The following TRMT9B variants were observed in gnomAD, a reference collection of about 807,000 sequenced individuals.
The protein encoded by TRMT9B is probable tRNA methyltransferase 9B.
TRMT9B carries 16 observed loss-of-function variants against 11.5 expected under a neutral mutation model. The ratio of observed to expected loss-of-function variants is 1.39; its 90% CI spans 0.94 to 2.11. TRMT9B has a LOEUF of 2.11. Among genes scored for constraint, TRMT9B ranks in the 30% most tolerant of loss-of-function variants. The pLI is 0.00. For missense variants in TRMT9B, 941 were observed against 553.8 expected (o/e 1.70, Z -7.02); for synonymous variants, 274 against 192.4 (o/e 1.42, Z -3.51).
At chr8:12,970,796 C>A (rs1161566483) in intron 1 of TRMT9B, among the ~76,000 whole-genome samples, 1 of 152,154 alleles carries the variant, frequency 6.6e-6, no homozygotes, top group African/African-American at 2.4e-5. Context: ...TCATGTCTTT[C>A]TAGCCTCTTA....
At chr8:12,960,995 G>T (rs971910028) in intron 1 of TRMT9B, among the ~76,000 whole-genome samples, 5 of 152,098 alleles carry the variant, frequency 3.3e-5, no homozygotes, top group African/African-American at 9.7e-5. Flanking sequence ...ACAAAAATTA[G>T]CTGGGCGTGA....
intron 2 of TRMT9B, among the ~76,000 whole-genome samples, chr8:12,992,506 T>C (rs996163082): frequency 1.3e-5 from 2 of 151,954 alleles, no homozygotes; most frequent in Non-Finnish European, 2.9e-5. Context: ...CTCTGTGGTA[T>C]CTGAAGGACA....
Position 13,009,823 on chromosome 8 carries a change from C to T in TRMT9B, c.155-2861C>T, listed in dbSNP as rs150708343. Among the ~76,000 whole-genome samples the T allele has an allele frequency of 1.4e-3, 215 of 152,078 alleles. 1 individual carries two copies. Among genetic ancestry groups the T allele is most frequent in the African/African-American group, 4.4e-3 (183 of 41,494 alleles). On this transcript the variant is annotated intron_variant, in intron 3 of 4. Coordinates refer to ENST00000524591, the MANE Select transcript of TRMT9B (RefSeq NM_020844.3). ...AATACATGTTGTTTGCTGTATTTTG[C>T]CGCTACAAATTACACTACAGATAGG...
intron 2 of TRMT9B, among the ~76,000 whole-genome samples, chr8:13,000,518 T>C (rs957715660): frequency 2.6e-5 from 4 of 152,212 alleles, no homozygotes; most frequent in African/African-American, 9.6e-5. Flanking sequence ...GATGATTCAA[T>C]GTCTGGGATC....
At chr8:12,977,572 A>C (rs6531016) in intron 1 of TRMT9B, among the ~76,000 whole-genome samples, 1 of 151,764 alleles carries the variant, frequency 6.6e-6, no homozygotes, top group Non-Finnish European at 1.5e-5. Context: ...GTGGTGGCAC[A>C]TGCCTATAAT....
rs1260057397 is a variant in TRMT9B, at chr8:13,023,402, T to C, written c.*1358T>C. 5 of 167,094 alleles carry C rather than the reference T, an allele frequency of 3.0e-5. No individual in the cohort carries two copies. Among genetic ancestry groups the C allele is most frequent in the African/African-American group, 9.6e-5 (4 of 41,472 alleles). 10.4% of individuals were successfully genotyped at this position (167,094 alleles called of 1,614,324 possible). ...TATTTTATTGAAGGTGACTACATTTTATTAGTTATATTAGGAATTTAGGTA... is the reference window on the plus strand; with the variant it reads ...TATTTTATTGAAGGTGACTACATTTCATTAGTTATATTAGGAATTTAGGTA... On this transcript the variant is annotated 3_prime_UTR_variant, in exon 5 of 5. Transcript: ENST00000524591.
chr8:12,991,124 T>A (rs1236236447), intron 2 of TRMT9B, 93 bp downstream of exon 2: 1 of 491,650 alleles, frequency 2.0e-6, no homozygotes, highest in Non-Finnish European at 2.9e-6. Context: ...CCAATCCCTA[T>A]AATTTTAAAT....
In TRMT9B at chr8:13,027,055, T is replaced by C. The variant is rs1219857274; in HGVS notation, c.*5011T>C. 6.0e-6 allele frequency: 1 copy of C among 167,110 alleles called. No homozygotes were observed. Among genetic ancestry groups the C allele is most frequent in the Admixed American group, 6.5e-5 (1 of 15,282 alleles). The allele number at this position is 167,110 out of a possible 1,614,324, so 10.4% of individuals were successfully genotyped here. ...CACTTTTCTCCAACTCTTCAACCTT[T>C]CAACAATTATATTATTGTTTTCCCA... is the stretch of plus-strand genomic sequence containing the variant. On this transcript the variant is annotated 3_prime_UTR_variant, in exon 5 of 5. Transcript: ENST00000524591.
chr8:12,977,709 C>G (rs974268817), intron 1 of TRMT9B, among the ~76,000 whole-genome samples: 2 of 151,846 alleles, frequency 1.3e-5, no homozygotes, highest in Admixed American at 6.6e-5. Context: ...CAAAAACAAA[C>G]AAACAAACAA....
At chr8:12,992,257 C>T (rs1807484784) in intron 2 of TRMT9B, among the ~76,000 whole-genome samples, 1 of 152,104 alleles carries the variant, frequency 6.6e-6, no homozygotes, top group Admixed American at 6.5e-5. Context: ...TCTCTGCCGT[C>T]CAAAAACTTA....
intron 1 of TRMT9B, among the ~76,000 whole-genome samples, chr8:12,989,488 A>G (rs12334890): frequency 0.024 from 3,720 of 152,254 alleles, 155 homozygotes; most frequent in African/African-American, 0.085. Context: ...CTGCCCAGGT[A>G]GCACACATAT....
intron 4 of TRMT9B, among the ~76,000 whole-genome samples, chr8:13,014,649 C>T (rs1313270111): frequency 6.6e-6 from 1 of 152,202 alleles, no homozygotes; most frequent in East Asian, 1.9e-4. Flanking sequence ...AGGCCACAAA[C>T]ATTCAGTCTA....
At chr8:12,999,615 A>G (rs572456952) in intron 2 of TRMT9B, among the ~76,000 whole-genome samples, 2 of 152,320 alleles carry the variant, frequency 1.3e-5, no homozygotes, top group South Asian at 2.1e-4. Context: ...ATTTAGACCT[A>G]TTACATTTAG....
At chr8:13,008,044 T>G (rs1376130509) in intron 3 of TRMT9B, among the ~76,000 whole-genome samples, 2 of 152,228 alleles carry the variant, frequency 1.3e-5, no homozygotes, top group African/African-American at 4.8e-5. Context: ...AATCATTGTT[T>G]TTAGGGGAAA....
At chr8:12,948,785 C>T (rs1317300986) in intron 1 of TRMT9B, among the ~76,000 whole-genome samples, 1 of 152,012 alleles carries the variant, frequency 6.6e-6, no homozygotes, top group Non-Finnish European at 1.5e-5. Flanking sequence ...ACGGTGAAAC[C>T]TCATCTCTAC....
Position 13,012,796 on chromosome 8 carries a change from A to G in TRMT9B, c.267A>G (p.Val89=), listed in dbSNP as rs1811897577. 3 of 1,613,826 alleles carry G rather than the reference A, an allele frequency of 1.9e-6. No individual in the cohort carries two copies. Among genetic ancestry groups the G allele is most frequent in the Non-Finnish European group, 1.7e-6 (2 of 1,179,882 alleles). The stretch of plus-strand genomic sequence containing the variant: ...GGAATAGAGGATGTGAAGCCATGGT[A>G]TGTGACAACCTTAATCTCCCCTTTA... ...IARNRGCEAM[V]CDNLNLPFRD... Residue 89 remains valine (V), a synonymous_variant, in exon 4 of 5, where the codon GTA becomes GTG. Transcript: ENST00000524591.
chr8:13,006,430 C>A (rs537864117), intron 3 of TRMT9B, 74 bp downstream of exon 3: 184 of 1,542,400 alleles, frequency 1.2e-4, no homozygotes, highest in Non-Finnish European at 7.7e-5. Flanking sequence ...CAGGCAGCCT[C>A]ATCGCTGACA....
intron 3 of TRMT9B, chr8:13,010,430 T>C: frequency 1.0e-6 from 1 of 985,110 alleles, no homozygotes; most frequent in Non-Finnish European, 1.2e-6. Context: ...ATGGTTTCTG[T>C]TGCTAGGTTT....
At position 12,954,057 on chromosome 8, in the gene TRMT9B, G is replaced by A. The variant is rs1056679520; in HGVS notation, c.-200+8091G>A. 1.2e-4 allele frequency among the ~76,000 whole-genome samples: 18 copies of A among 152,260 alleles called. No homozygotes were observed. The East Asian group carries it at 3.5e-3, about 29-fold the overall frequency. ...GATAAAGTTCCAAGGTAGTTCAAAG[G>A]TTTTAATAAAATTTTACTTACCAGA... On this transcript the variant is annotated intron_variant, in intron 1 of 4. Coordinates refer to ENST00000524591, the MANE Select transcript of TRMT9B (RefSeq NM_020844.3).
Sources: allele counts gnomAD v4.1 joint callset (sites outside exome capture counted in the v4.1 genomes callset), GRCh38; gene constraint gnomAD v4.1.1; transcripts MANE v1.5; gene names NCBI Gene and HGNC (gene_info 2026-07-23, HGNC 2026-07-21).